The following ZFYVE9 variants were observed in gnomAD, a reference collection of about 807,000 sequenced individuals.
ZFYVE9 encodes the protein zinc finger FYVE domain-containing protein 9.
In ZFYVE9, 43 loss-of-function variants were observed where a neutral mutation model predicts 126.7. The observed-to-expected ratio is 0.34, with a 90% confidence interval of 0.27 to 0.44. ZFYVE9 has a LOEUF of 0.44. Among genes scored for constraint, ZFYVE9 ranks in the 20% least tolerant of loss-of-function variants. ZFYVE9 has a pLI of 1.00. For synonymous variants in ZFYVE9, 521 were observed against 597.4 expected, an observed-to-expected ratio of 0.87 and a Z score of 1.87; for missense variants, 1,476 against 1,697.0, an observed-to-expected ratio of 0.87 and a Z score of 2.29.
At chr1:52,256,825 T>G (rs1020652549) in intron 4 of ZFYVE9, among the ~76,000 whole-genome samples, 12 of 149,960 alleles carry the variant, frequency 8.0e-5, no homozygotes, top group African/African-American at 3.0e-4. Context: ...AAAGTACTCC[T>G]GCATTTGACA....
At chr1:52,333,289 TAA>T (rs71579928) in intron 14 of ZFYVE9, among the ~76,000 whole-genome samples, 257 of 132,508 alleles carry the variant, frequency 1.9e-3, no homozygotes, top group African/African-American at 6.5e-3. Flanking sequence ...GTATAATAAT[TAA>T]AAAAAAAAAA....
chr1:52,202,443 G>A (rs1644932094), intron 1 of ZFYVE9, among the ~76,000 whole-genome samples: 1 of 151,622 alleles, frequency 6.6e-6, no homozygotes, highest in Non-Finnish European at 1.5e-5. Flanking sequence ...CTACCGTCCG[G>A]CTAATTTTTG....
intron 1 of ZFYVE9, among the ~76,000 whole-genome samples, chr1:52,183,810 C>T (rs1277038104): frequency 6.6e-6 from 1 of 151,326 alleles, no homozygotes; most frequent in Non-Finnish European, 1.5e-5. Flanking sequence ...CCAGCCTCAG[C>T]TGTGTCTTTA....
At chr1:52,224,096 G>A (rs1428595467) in intron 2 of ZFYVE9, among the ~76,000 whole-genome samples, 2 of 152,174 alleles carry the variant, frequency 1.3e-5, no homozygotes, top group Admixed American at 6.5e-5. Context: ...TCCTCCTAGT[G>A]GTACTTCCCT....
At position 52,293,508 on chromosome 1, in the gene ZFYVE9, T is replaced by C; in HGVS notation, c.3081T>C (p.Ser1027=). The C allele has an allele frequency of 6.2e-7, 1 of 1,614,126 alleles. No homozygotes were observed. Among genetic ancestry groups the C allele is most frequent in the Non-Finnish European group, 8.5e-7 (1 of 1,180,012 alleles). Residue 1027 remains serine, a synonymous_variant, in exon 11 of 19, where the codon AGT becomes AGC. Transcript: ENST00000287727. ...TCTTCAGTCAAAGTTTCCTTGGCAG[T>C]AAAGAACATGGTGGATTCTTATATG... The part of the protein sequence containing the change: ...HSFFSQSFLG[S]KEHGGFLYVT...
chr1:52,143,406 C>G (rs1644279408), intron 1 of ZFYVE9, among the ~76,000 whole-genome samples: 1 of 152,122 alleles, frequency 6.6e-6, no homozygotes, highest in Non-Finnish European at 1.5e-5. Context: ...ACAGGTTATT[C>G]TTGTTTTCCT....
At position 52,160,650 on chromosome 1, in the gene ZFYVE9, G is replaced by C. The variant is rs577836808; in HGVS notation, c.-143+18247G>C. The C allele has an allele frequency of 3.2e-5, 20 of 622,638 alleles. No homozygotes were observed. In the East Asian group the frequency reaches 5.3e-4, roughly 16 times the overall value. The allele number at this position is 622,638 out of a possible 1,614,324, so 38.6% of individuals were successfully genotyped here. On this transcript the variant is annotated intron_variant, in intron 1 of 18. Coordinates refer to ENST00000287727, the MANE Select transcript of ZFYVE9 (RefSeq NM_004799.4). ...AGGATGGTGTTGATCTCCTGACCTC[G>C]TGATCCGCCTGCGTCGGCCTCCTGC... is the stretch of plus-strand genomic sequence containing the variant.
At chr1:52,286,563 G>A (rs996095041) in intron 10 of ZFYVE9, among the ~76,000 whole-genome samples, 4 of 152,140 alleles carry the variant, frequency 2.6e-5, no homozygotes, top group South Asian at 2.1e-4. Context: ...CAGTGCCATC[G>A]GAGGTTGTAG....
At chr1:52,213,690 C>G (rs968674524) in intron 1 of ZFYVE9, among the ~76,000 whole-genome samples, 8 of 151,940 alleles carry the variant, frequency 5.3e-5, no homozygotes, top group Non-Finnish European at 8.8e-5. Flanking sequence ...CTCACACACA[C>G]CATTTATTTT....
intron 2 of ZFYVE9, among the ~76,000 whole-genome samples, chr1:52,229,369 A>T (rs1160064232): frequency 2.0e-5 from 3 of 152,208 alleles, no homozygotes; most frequent in African/African-American, 7.2e-5. Context: ...GAGTTAAATC[A>T]TTTGGCTAAG....
chr1:52,209,634 T>C (rs1411145654), intron 1 of ZFYVE9, among the ~76,000 whole-genome samples: 1 of 152,232 alleles, frequency 6.6e-6, no homozygotes, highest in South Asian at 2.1e-4. Context: ...AGCATAATGT[T>C]TTCAAGGTCC....
rs868434430 is a variant in ZFYVE9 at position 52,142,118 on chromosome 1, C to T, written c.-428C>T. The T allele has an allele frequency of 2.6e-5, 4 of 151,394 alleles. No individual in the cohort carries two copies. The highest frequency in any genetic ancestry group is 9.6e-5 in the African/African-American group (4 of 41,482). The allele number at this position is 151,394 out of a possible 1,614,324, so 9.4% of individuals were successfully genotyped here. Reference sequence around the variant, plus strand: ...GACGCTGGAGGCTTCGCTGAGGATCCCCGCCTGCCGCACCTCGGTCGTCCC... The same window carrying T: ...GACGCTGGAGGCTTCGCTGAGGATCTCCGCCTGCCGCACCTCGGTCGTCCC... On this transcript the variant is annotated 5_prime_UTR_variant, in exon 1 of 19. Transcript: ENST00000287727. The surrounding 1 kb of genome is among the most constrained non-coding windows in gnomAD (Gnocchi z 4.5).
intron 1 of ZFYVE9, among the ~76,000 whole-genome samples, chr1:52,198,212 C>T (rs757270554): frequency 6.7e-5 from 10 of 149,174 alleles, no homozygotes; most frequent in Non-Finnish European, 1.3e-4. Context: ...ACCTCTGCCT[C>T]CCGGGTTCAA....
chr1:52,270,024 A>G (rs530571858), intron 7 of ZFYVE9, among the ~76,000 whole-genome samples: 7 of 151,786 alleles, frequency 4.6e-5, no homozygotes, highest in African/African-American at 1.4e-4. Context: ...CTCTTCACCT[A>G]TCTTCATCAA....
chr1:52,239,256 T>G lies in ZFYVE9; in HGVS notation c.1839T>G (p.Asn613Lys). The G allele has an allele frequency of 6.2e-7, 1 of 1,614,034 alleles. No individual in the cohort carries two copies. The highest frequency in any genetic ancestry group is 2.2e-5 in the East Asian group (1 of 44,878). The change falls in exon 4 of 19, where the codon AAT (asparagine) becomes AAG (lysine). Residue 613 changes from asparagine (N) to lysine (K), a missense_variant. By Grantham distance (94) the Asn-to-Lys change is moderately conservative. Coordinates refer to ENST00000287727, the MANE Select transcript of ZFYVE9 (RefSeq NM_004799.4). The stretch of plus-strand genomic sequence containing the variant: ...CAAACAGTGGAAATAATACTAAAAA[T>G]AAAAATGATATTCTTGGGAAAGCAA... ...FPANSGNNTKNKNDILGKAKL... is the reference protein window; with the variant it reads ...FPANSGNNTKKKNDILGKAKL...
Position 52,142,878 on chromosome 1 carries a change from A to G in ZFYVE9, c.-143+475A>G, listed in dbSNP as rs1448582611. Among the ~76,000 whole-genome samples, 3 of 152,118 alleles carry G rather than the reference A, an allele frequency of 2.0e-5. No homozygotes were observed. Among genetic ancestry groups the G allele is most frequent in the African/African-American group, 7.2e-5 (3 of 41,422 alleles). ...AGGCCAGGGTGAGAATTGGGGGTGCAGAGAGTGCGGGACCAAGAGAGCCCC... is the reference window on the plus strand; with the variant it reads ...AGGCCAGGGTGAGAATTGGGGGTGCGGAGAGTGCGGGACCAAGAGAGCCCC... On this transcript the variant is annotated intron_variant, in intron 1 of 18. Coordinates refer to ENST00000287727, the MANE Select transcript of ZFYVE9 (RefSeq NM_004799.4). The surrounding 1 kb of genome is among the most constrained non-coding windows in gnomAD (Gnocchi z 4.5).
chr1:52,223,535 T>A (rs1006090170), intron 2 of ZFYVE9, among the ~76,000 whole-genome samples: 14 of 152,204 alleles, frequency 9.2e-5, no homozygotes, highest in Non-Finnish European at 1.6e-4. Flanking sequence ...TGTATTTTTT[T>A]TGTAATGTCT....
rs374549707 is a variant in ZFYVE9, at chr1:52,297,662, C to T, written c.3333+1685C>T. ...GAGTGGGTTTGGTGATTTCCTCCCTCTGTGATGCTTAAAAGCTATATTTCC... is the reference window on the plus strand; with the variant it reads ...GAGTGGGTTTGGTGATTTCCTCCCTTTGTGATGCTTAAAAGCTATATTTCC... On this transcript the variant is annotated intron_variant, in intron 12 of 18. Coordinates refer to ENST00000287727, the MANE Select transcript of ZFYVE9 (RefSeq NM_004799.4). 1.6e-4 allele frequency among the ~76,000 whole-genome samples: 25 copies of T among 151,744 alleles called. No individual in the cohort carries two copies. The East Asian group carries it at 3.9e-3, about 23-fold the overall frequency.
chr1:52,181,819 C>G (rs1644708166), intron 1 of ZFYVE9, among the ~76,000 whole-genome samples: 1 of 151,508 alleles, frequency 6.6e-6, no homozygotes, highest in Non-Finnish European at 1.5e-5. Flanking sequence ...GCCGCCCCGT[C>G]TGAGAAGCGA....
Sources: allele counts gnomAD v4.1 joint callset (sites outside exome capture counted in the v4.1 genomes callset), GRCh38; gene constraint gnomAD v4.1.1; non-coding constraint Gnocchi (gnomAD v3.1); transcripts MANE v1.5; gene names NCBI Gene and HGNC (gene_info 2026-07-23, HGNC 2026-07-21).